Variants in SOX5 observed in about 807,000 individuals in gnomAD.
SOX5 encodes the protein transcription factor SOX-5.
A neutral mutation model predicts 92.0 loss-of-function variants in SOX5; 9 were observed. The observed-to-expected ratio is 0.10, with a 90% CI of 0.06 to 0.17. The LOEUF (loss-of-function observed/expected upper bound fraction) is 0.17, where lower values mean the gene tolerates loss of function less well. Among genes scored for constraint, SOX5 ranks in the 10% least tolerant of loss-of-function variants. The pLI is 1.00. For missense variants in SOX5, 642 were observed against 944.5 expected (o/e 0.68, Z 4.20); for synonymous variants, 344 against 336.3 (o/e 1.02, Z -0.25).
At chr12:23,660,157 G>A (rs544231331) in intron 7 of SOX5, among the ~76,000 whole-genome samples, 122 of 152,294 alleles carry the variant, frequency 8.0e-4, no homozygotes, top group African/African-American at 2.6e-3. Context: ...AAGAGAGTGA[G>A]TGATGAAATG....
intron 1 of SOX5, among the ~76,000 whole-genome samples, chr12:24,449,936 A>G (rs1942019250): frequency 1.3e-5 from 2 of 152,162 alleles, no homozygotes; most frequent in South Asian, 4.1e-4. Flanking sequence ...TTATCTATGA[A>G]AGTATTATCA....
At chr12:24,454,539 A>T (rs983460507) in intron 1 of SOX5, among the ~76,000 whole-genome samples, 12 of 152,214 alleles carry the variant, frequency 7.9e-5, no homozygotes, top group Non-Finnish European at 1.6e-4. Flanking sequence ...ATAGTAACAG[A>T]TGCACAAGTA....
chr12:23,813,123 G>A (rs1273631210), intron 3 of SOX5, among the ~76,000 whole-genome samples: 5 of 151,838 alleles, frequency 3.3e-5, no homozygotes, highest in African/African-American at 4.8e-5. Flanking sequence ...TCAGTGTATC[G>A]GGCATACAAC....
chr12:24,161,965 G>A (rs1385401770), intron 4 of SOX5, among the ~76,000 whole-genome samples: 1 of 152,002 alleles, frequency 6.6e-6, no homozygotes, highest in Non-Finnish European at 1.5e-5. Context: ...AAAAATTTAT[G>A]GTTAATGGGA....
intron 3 of SOX5, among the ~76,000 whole-genome samples, chr12:24,251,480 T>C (rs959980787): frequency 6.6e-6 from 1 of 152,192 alleles, no homozygotes; most frequent in Non-Finnish European, 1.5e-5. Flanking sequence ...AGACAGTCTA[T>C]ATTATAGCCT....
At chr12:24,287,752 T>C (rs951033927) in intron 2 of SOX5, among the ~76,000 whole-genome samples, 1 of 152,128 alleles carries the variant, frequency 6.6e-6, no homozygotes, top group South Asian at 2.1e-4. Flanking sequence ...ACTTAAGCGA[T>C]CTGATTTGAG....
chr12:23,813,385 C>T (rs1010430971), intron 3 of SOX5, among the ~76,000 whole-genome samples: 7 of 152,230 alleles, frequency 4.6e-5, no homozygotes, highest in Middle Eastern at 3.4e-3. Context: ...TCTGTCTCAG[C>T]TTGGGGAAAG....
chr12:23,698,933 C>G (rs1487288993), intron 6 of SOX5, among the ~76,000 whole-genome samples: 2 of 152,168 alleles, frequency 1.3e-5, no homozygotes, highest in African/African-American at 4.8e-5. Flanking sequence ...TTCCTCCATT[C>G]TGCCTTGTGA....
At chr12:24,279,564 C>CA (rs1039853905) in intron 2 of SOX5, among the ~76,000 whole-genome samples, 8 of 152,024 alleles carry the variant, frequency 5.3e-5, no homozygotes, top group African/African-American at 1.7e-4. Flanking sequence ...TTGTAACTGG[C>CA]ATGATACCAC....
In SOX5 at chr12:24,225,121, G is replaced by C. The variant is rs191011718; in HGVS notation, c.-76-11704C>G. Among the ~76,000 whole-genome samples, 5 of 152,314 alleles carry C rather than the reference G, an allele frequency of 3.3e-5. No individual in the cohort carries two copies. The East Asian group carries it at 9.6e-4, about 29-fold the overall frequency. ...TTATATCGAACACAAATTCTACCCA[G>C]ATCAAAAGTATAAACCTCATTGTGA... On this transcript the variant is annotated intron_variant, in intron 3 of 4. Transcript: ENST00000446891.
chr12:24,175,534 TC>T (rs1954712677), intron 4 of SOX5, among the ~76,000 whole-genome samples: 1 of 152,220 alleles, frequency 6.6e-6, no homozygotes. Context: ...CACACCCTCA[TC>T]CCTTGTATCC....
intron 1 of SOX5, among the ~76,000 whole-genome samples, chr12:24,424,290 G>A (rs75769111): frequency 3.3e-5 from 5 of 152,004 alleles, no homozygotes; most frequent in South Asian, 2.1e-4. Context: ...CCCAATTATC[G>A]TAAGATTAGG....
intron 3 of SOX5, among the ~76,000 whole-genome samples, chr12:23,842,073 G>T (rs952917200): frequency 6.6e-6 from 1 of 152,100 alleles, no homozygotes; most frequent in African/African-American, 2.4e-5. Context: ...CACTGAATGG[G>T]GTAGGGGAAA....
At chr12:24,525,104 G>A (rs768325412) in intron 1 of SOX5, among the ~76,000 whole-genome samples, 2 of 152,144 alleles carry the variant, frequency 1.3e-5, no homozygotes, top group East Asian at 3.9e-4. Context: ...TCACATGTTC[G>A]CTGTGGTACT....
chr12:23,941,061 CTTCCT>C (rs1943543010), intron 1 of SOX5, among the ~76,000 whole-genome samples: 1 of 151,426 alleles, frequency 6.6e-6, no homozygotes, highest in Non-Finnish European at 1.5e-5. Context: ...TGAAATGTTT[CTTCCT>C]TTCAAGATTT....
chr12:23,717,404 A>G (rs1375045568), intron 6 of SOX5, among the ~76,000 whole-genome samples: 2 of 152,176 alleles, frequency 1.3e-5, no homozygotes, highest in African/African-American at 2.4e-5. Flanking sequence ...GCCCTCAACC[A>G]TAATTTTTTT....
chr12:23,676,187 G>A (rs897928965), intron 6 of SOX5, among the ~76,000 whole-genome samples: 4 of 151,980 alleles, frequency 2.6e-5, no homozygotes, highest in African/African-American at 9.7e-5. Context: ...ATTATATACT[G>A]AAAATTTGCT....
intron 2 of SOX5, among the ~76,000 whole-genome samples, chr12:24,340,859 T>C (rs978779911): frequency 5.3e-5 from 8 of 152,212 alleles, no homozygotes; most frequent in Non-Finnish European, 1.2e-4. Flanking sequence ...TTTTTGTTGT[T>C]GTTGTTAGTT....
chr12:24,261,235 CCCTTTGTAGTACT>C (rs1381269978), intron 3 of SOX5, among the ~76,000 whole-genome samples: 3 of 152,060 alleles, frequency 2.0e-5, no homozygotes, highest in Non-Finnish European at 2.9e-5. Context: ...TCATTATTCA[CCCTTTGTAGTACT>C]CCAGTCAATG....
Sources: gnomAD v4.1 joint callset for allele counts (sites outside exome capture counted in the v4.1 genomes callset) on GRCh38, gnomAD v4.1.1 for gene constraint, MANE v1.5 for transcripts, NCBI Gene and HGNC (gene_info 2026-07-23, HGNC 2026-07-21) for gene names.